The following ADAMTSL1 variants were observed in gnomAD, a reference collection of about 807,000 sequenced individuals.
ADAMTSL1 encodes the protein ADAMTS like 1, also known as ADAMTS-like protein 1.
In ADAMTSL1, 126 loss-of-function variants were observed where a neutral mutation model predicts 201.8. That is an observed-to-expected ratio of 0.62 (90% CI 0.54 to 0.72). ADAMTSL1 has a LOEUF of 0.72. Ranked by LOEUF, ADAMTSL1 falls within the 30% of genes least tolerant of loss-of-function variation. The pLI is 0.00. For missense variants in ADAMTSL1, 2,679 were observed against 2,277.8 expected (o/e 1.18, Z -3.59); for synonymous variants, 1,121 against 903.4 (o/e 1.24, Z -4.32).
At chr9:18,089,097 A>G (rs1563993197) in intron 1 of ADAMTSL1, among the ~76,000 whole-genome samples, 1 of 152,210 alleles carries the variant, frequency 6.6e-6, no homozygotes, top group Non-Finnish European at 1.5e-5. Context: ...GGTCGCAGTG[A>G]GCCAAGATCG....
At chr9:18,324,318 G>C (rs1834740965) in intron 2 of ADAMTSL1, among the ~76,000 whole-genome samples, 1 of 151,878 alleles carries the variant, frequency 6.6e-6, no homozygotes, top group Non-Finnish European at 1.5e-5. Context: ...CAAAATGGAT[G>C]ATGGGCCTAA....
chr9:18,103,881 T>A (rs768230816), intron 1 of ADAMTSL1, among the ~76,000 whole-genome samples: 5 of 152,170 alleles, frequency 3.3e-5, no homozygotes, highest in African/African-American at 1.2e-4. Context: ...TTCTGAGGAA[T>A]TGCTGCATGC....
intron 14 of ADAMTSL1, among the ~76,000 whole-genome samples, chr9:18,709,696 G>A (rs518607): frequency 0.73 from 110,786 of 152,108 alleles, 42,780 homozygotes; most frequent in East Asian, 0.84. Context: ...GTGTCCAACT[G>A]TCACTTCCTT....
intron 2 of ADAMTSL1, among the ~76,000 whole-genome samples, chr9:18,454,772 G>A (rs979775464): frequency 6.6e-6 from 1 of 151,882 alleles, no homozygotes; most frequent in African/African-American, 2.4e-5. Context: ...ATTGTGTTTT[G>A]TAATATAATT....
intron 2 of ADAMTSL1, among the ~76,000 whole-genome samples, chr9:18,221,277 T>C (rs1168320152): frequency 6.6e-6 from 1 of 152,166 alleles, no homozygotes; most frequent in Non-Finnish European, 1.5e-5. Context: ...CAAGTGCAAA[T>C]TTATTTTTGT....
intron 2 of ADAMTSL1, among the ~76,000 whole-genome samples, chr9:18,333,409 A>C (rs1835109417): frequency 1.3e-5 from 2 of 152,166 alleles, no homozygotes. Flanking sequence ...GAAGAGGTGC[A>C]TTCCACTATG....
chr9:18,879,772 A>G (rs760869453), intron 23 of ADAMTSL1, among the ~76,000 whole-genome samples: 21 of 152,236 alleles, frequency 1.4e-4, no homozygotes, highest in Non-Finnish European at 2.5e-4. Context: ...TTTAAAAGAC[A>G]ACAACAATGA....
At chr9:18,288,288 T>C (rs893433009) in intron 2 of ADAMTSL1, among the ~76,000 whole-genome samples, 2 of 152,144 alleles carry the variant, frequency 1.3e-5, no homozygotes, top group Non-Finnish European at 2.9e-5. Context: ...AAAGCAGTTA[T>C]CAAGAAAGAA....
In ADAMTSL1 at chr9:18,852,112, C is replaced by T. The variant is rs141988359; in HGVS notation, c.4249+22135C>T. ...TCCAACAAATCCATCTAACCCTATG[C>T]TCTCTACTGGGGTCCTTTACATGCA... On this transcript the variant is annotated intron_variant, in intron 23 of 28. Transcript: ENST00000380548. Among the ~76,000 whole-genome samples, 1,510 of 152,332 alleles carry T rather than the reference C, an allele frequency of 9.9e-3. 21 individuals carry two copies. The highest frequency in any genetic ancestry group is 0.034 in the Middle Eastern group (10 of 294).
chr9:18,846,643 T>C (rs912923073), intron 23 of ADAMTSL1, among the ~76,000 whole-genome samples: 1 of 152,062 alleles, frequency 6.6e-6, no homozygotes, highest in African/African-American at 2.4e-5. Context: ...TTCTGACTGG[T>C]GTGTAGAGGA....
intron 2 of ADAMTSL1, among the ~76,000 whole-genome samples, chr9:18,230,025 C>A (rs1830590566): frequency 6.6e-6 from 1 of 152,072 alleles, no homozygotes; most frequent in Non-Finnish European, 1.5e-5. Flanking sequence ...GACCAATATT[C>A]CAGGTACTTT....
At chr9:18,092,691 A>G (rs1193558091) in intron 1 of ADAMTSL1, among the ~76,000 whole-genome samples, 4 of 152,176 alleles carry the variant, frequency 2.6e-5, no homozygotes, top group East Asian at 1.9e-4. Context: ...ACTTCCCACA[A>G]AGATAGTCTA....
At chr9:18,495,008 A>C (rs1051138249) in intron 1 of ADAMTSL1, among the ~76,000 whole-genome samples, 1 of 152,198 alleles carries the variant, frequency 6.6e-6, no homozygotes, top group Non-Finnish European at 1.5e-5. Flanking sequence ...AGTCAATTGC[A>C]AAGTGCCAGG....
At chr9:18,808,272 G>T (rs922125490) in intron 20 of ADAMTSL1, among the ~76,000 whole-genome samples, 4 of 152,056 alleles carry the variant, frequency 2.6e-5, no homozygotes, top group Non-Finnish European at 5.9e-5. Context: ...TTCTGAAGTG[G>T]GACTCAAAAT....
At chr9:18,533,887 A>G (rs1376833346) in intron 3 of ADAMTSL1, among the ~76,000 whole-genome samples, 1 of 152,206 alleles carries the variant, frequency 6.6e-6, no homozygotes, top group Non-Finnish European at 1.5e-5. Context: ...AGAAATCTTA[A>G]AGGAAAAGGT....
chr9:18,764,799 T>TG (rs2133684761), intron 16 of ADAMTSL1, among the ~76,000 whole-genome samples: 1 of 152,368 alleles, frequency 6.6e-6, no homozygotes, highest in South Asian at 2.1e-4. Flanking sequence ...CTAAAAGCTT[T>TG]ATGTATACAT....
intron 14 of ADAMTSL1, among the ~76,000 whole-genome samples, chr9:18,712,631 C>T (rs1224676290): frequency 1.3e-5 from 2 of 150,274 alleles, no homozygotes; most frequent in Non-Finnish European, 1.5e-5. Context: ...GATTGGTGTA[C>T]CTGAAAGTGA....
chr9:18,106,011 A>T (rs1824746524), intron 1 of ADAMTSL1, among the ~76,000 whole-genome samples: 1 of 152,144 alleles, frequency 6.6e-6, no homozygotes, highest in Non-Finnish European at 1.5e-5. Context: ...TTATGTACAG[A>T]TGTTTCTTAT....
At chr9:18,071,065 G>A (rs1008373716) in intron 1 of ADAMTSL1, among the ~76,000 whole-genome samples, 1 of 152,174 alleles carries the variant, frequency 6.6e-6, no homozygotes, top group African/African-American at 2.4e-5. Flanking sequence ...TCTGGATGAG[G>A]TCAAAGATCA....
Sources: allele counts gnomAD v4.1 joint callset (sites outside exome capture counted in the v4.1 genomes callset), GRCh38; gene constraint gnomAD v4.1.1; transcripts MANE v1.5; gene names NCBI Gene and HGNC (gene_info 2026-07-23, HGNC 2026-07-21).